Variants in LRIG1 observed in about 807,000 individuals in gnomAD.
LRIG1 encodes the protein leucine rich repeats and immunoglobulin like domains 1.
Under a neutral mutation model 99.2 loss-of-function variants are expected in LRIG1, and 48 were observed. That is an observed-to-expected ratio of 0.48 (90% CI 0.38 to 0.62). The LOEUF (loss-of-function observed/expected upper bound fraction) is 0.62, where lower values mean the gene tolerates loss of function less well. Ranked by LOEUF, LRIG1 falls within the 20% of genes least tolerant of loss-of-function variation. The pLI is 0.00. For synonymous variants in LRIG1, 772 were observed against 596.1 expected (o/e 1.29, Z -4.30); for missense variants, 1,646 against 1,434.4 (o/e 1.15, Z -2.38).
chr3:66,460,909 A>C (rs188560286), intron 2 of LRIG1, among the ~76,000 whole-genome samples: 1 of 152,334 alleles, frequency 6.6e-6, no homozygotes, highest in African/African-American at 2.4e-5. Context: ...TATAAACGCC[A>C]ATCTGGAGAA....
intron 12 of LRIG1, among the ~76,000 whole-genome samples, chr3:66,389,479 G>C (rs1375142032): frequency 1.3e-5 from 2 of 152,160 alleles, no homozygotes; most frequent in East Asian, 1.9e-4. Context: ...ACACAGTGTG[G>C]ATTCAAAGAT....
intron 9 of LRIG1, 46 bp downstream of exon 9, chr3:66,405,152 G>T: frequency 6.5e-7 from 1 of 1,548,786 alleles, no homozygotes; most frequent in Admixed American, 1.7e-5. Flanking sequence ...CCACCCAAGT[G>T]TGTCCCGCGC....
At chr3:66,388,849 A>C (rs1701503345) in intron 12 of LRIG1, among the ~76,000 whole-genome samples, 1 of 152,262 alleles carries the variant, frequency 6.6e-6, no homozygotes, top group Non-Finnish European at 1.5e-5. Flanking sequence ...CTGCCCCACA[A>C]GAAATCCAGG....
chr3:66,463,800 A>C (rs1274803520), intron 1 of LRIG1, among the ~76,000 whole-genome samples: 1 of 152,220 alleles, frequency 6.6e-6, no homozygotes, highest in African/African-American at 2.4e-5. Flanking sequence ...TACTCCAGAG[A>C]CATTTCAATC....
chr3:66,403,288 A>G (rs1204733703), intron 9 of LRIG1, among the ~76,000 whole-genome samples: 1 of 152,220 alleles, frequency 6.6e-6, no homozygotes, highest in Non-Finnish European at 1.5e-5. Context: ...TAACCATGAT[A>G]GCATCACACT....
At chr3:66,438,802 C>A (rs887054992) in intron 3 of LRIG1, among the ~76,000 whole-genome samples, 9 of 152,322 alleles carry the variant, frequency 5.9e-5, no homozygotes, top group African/African-American at 2.2e-4. Context: ...AAAGGGATGG[C>A]GCTGTGAGAG....
At chr3:66,414,848 G>A (rs545415303) in intron 5 of LRIG1, 72 bp downstream of exon 5, 25 of 1,403,546 alleles carry the variant, frequency 1.8e-5, no homozygotes, top group South Asian at 3.2e-5. Flanking sequence ...CGTTTGGTAC[G>A]AGGTCCTTGG....
intron 1 of LRIG1, among the ~76,000 whole-genome samples, chr3:66,480,254 CA>C (rs1322695635): frequency 2.6e-5 from 4 of 152,100 alleles, no homozygotes; most frequent in Non-Finnish European, 4.4e-5. Flanking sequence ...TTGTCCAGAA[CA>C]GACAAATCTA....
chr3:66,425,311 C>T (rs917118931), intron 3 of LRIG1, among the ~76,000 whole-genome samples: 11 of 152,236 alleles, frequency 7.2e-5, no homozygotes, highest in African/African-American at 2.4e-4. Flanking sequence ...GCCTGTTCTA[C>T]GTAGCTTGGC....
chr3:66,381,754 G>A, intron 16 of LRIG1, 123 bp from the exon 17 acceptor site: 1 of 1,086,228 alleles, frequency 9.2e-7, no homozygotes, highest in South Asian at 1.6e-5. Flanking sequence ...CAGAGCGGTG[G>A]GGCTGCTGGT....
intron 1 of LRIG1, among the ~76,000 whole-genome samples, chr3:66,465,863 T>C (rs1700462568): frequency 6.6e-6 from 1 of 152,128 alleles, no homozygotes; most frequent in Non-Finnish European, 1.5e-5. Flanking sequence ...TAGCTCCTCA[T>C]TCCCCTCTGT....
intron 1 of LRIG1, among the ~76,000 whole-genome samples, chr3:66,468,593 C>G (rs1177597314): frequency 6.6e-6 from 1 of 152,188 alleles, no homozygotes; most frequent in East Asian, 1.9e-4. Context: ...GTGAGGCAAT[C>G]CAACAACCCA....
chr3:66,413,970 GA>G (rs546725219), intron 5 of LRIG1, among the ~76,000 whole-genome samples: 3,206 of 145,916 alleles, frequency 0.022, 71 homozygotes, highest in African/African-American at 0.051. Flanking sequence ...GAGGGCACAG[GA>G]AAAAAAAAAA....
chr3:66,487,124 G>C (rs1700992464), intron 1 of LRIG1, among the ~76,000 whole-genome samples: 1 of 152,136 alleles, frequency 6.6e-6, no homozygotes, highest in Admixed American at 6.5e-5. Flanking sequence ...GGAGAAATGG[G>C]AAAGGAAGAG....
At chr3:66,453,471 T>A (rs951543987) in intron 2 of LRIG1, among the ~76,000 whole-genome samples, 2 of 152,236 alleles carry the variant, frequency 1.3e-5, no homozygotes, top group African/African-American at 4.8e-5. Flanking sequence ...TAAGTTGCAG[T>A]GGCCCAGGGT....
At chr3:66,423,453 C>T (rs1362517838) in intron 3 of LRIG1, among the ~76,000 whole-genome samples, 1 of 152,138 alleles carries the variant, frequency 6.6e-6, no homozygotes, top group South Asian at 2.1e-4. Context: ...TGCCTGTAAT[C>T]CCAGCTACTC....
rs181206222 is a variant in LRIG1 at position 66,395,902 on chromosome 3, G to A, written c.1305-1699C>T. On this transcript the variant is annotated intron_variant, in intron 11 of 18. Coordinates refer to ENST00000273261, the MANE Select transcript of LRIG1 (RefSeq NM_015541.3). Reference sequence around the variant, plus strand: ...CACTTCCGTGCAGTCAGGCAGAACAGCCTGGGCACTGTTCACGAAAGCCTA... The same window carrying A: ...CACTTCCGTGCAGTCAGGCAGAACAACCTGGGCACTGTTCACGAAAGCCTA... Among the ~76,000 whole-genome samples the A allele has an allele frequency of 2.0e-5, 3 of 152,390 alleles. No homozygotes were observed. The East Asian group carries it at 5.8e-4, about 29-fold the overall frequency.
intron 14 of LRIG1, 42 bp downstream of exon 14, chr3:66,383,949 C>CACAA: frequency 1.4e-6 from 1 of 739,600 alleles, no homozygotes; most frequent in Non-Finnish European, 1.9e-6. Flanking sequence ...CTCTCTCGCT[C>CACAA]ACACACACAC....
intron 13 of LRIG1, among the ~76,000 whole-genome samples, chr3:66,384,776 C>T (rs1701283181): frequency 6.6e-6 from 1 of 152,190 alleles, no homozygotes; most frequent in Non-Finnish European, 1.5e-5. Flanking sequence ...CTGCCCACTG[C>T]CGTATACCCA....
Sources: allele counts gnomAD v4.1 joint callset (sites outside exome capture counted in the v4.1 genomes callset), GRCh38; gene constraint gnomAD v4.1.1; transcripts MANE v1.5; gene names NCBI Gene and HGNC (gene_info 2026-07-23, HGNC 2026-07-21).